The following BLTP1 variants were observed in gnomAD, a reference collection of about 807,000 sequenced individuals.
BLTP1 encodes the protein fragile site-associated protein.
the BLTP1 span, among the ~76,000 whole-genome samples, chr4:122,322,716 C>T: frequency 3.3e-5 from 5 of 152,174 alleles, no homozygotes; most frequent in African/African-American, 1.2e-4. Context: ...CTGTGAACTT[C>T]ATGTTTGTCA....
the BLTP1 span, chr4:122,316,312 A>T: frequency 7.0e-6 from 3 of 430,872 alleles, no homozygotes; most frequent in Non-Finnish European, 9.6e-6. Context: ...TTGGGAAGAA[A>T]TTTTTTTAAA....
the BLTP1 span, among the ~76,000 whole-genome samples, chr4:122,181,011 T>C: frequency 1.3e-5 from 2 of 152,226 alleles, no homozygotes; most frequent in Non-Finnish European, 2.9e-5. Context: ...AGCATGACTA[T>C]TTATTCAGAT....
chr4:122,174,440 G>A, the BLTP1 span: 1 of 1,428,474 alleles, frequency 7.0e-7, no homozygotes, highest in Non-Finnish European at 9.3e-7. Context: ...CAGTAAGGCT[G>A]TAAGGGTATC....
At chr4:122,214,571 T>TTG in the BLTP1 span, 1 of 945,096 alleles carries the variant, frequency 1.1e-6, no homozygotes, top group Non-Finnish European at 1.3e-6. Context: ...TACCTTACAT[T>TTG]TGATCAACCT....
the BLTP1 span, chr4:122,200,713 G>A: frequency 1.0e-6 from 1 of 982,676 alleles, no homozygotes; most frequent in South Asian, 4.7e-5. Flanking sequence ...GAGAAATTAG[G>A]GATGTCGGTT....
the BLTP1 span, chr4:122,234,907 C>A: frequency 1.2e-5 from 19 of 1,613,178 alleles, no homozygotes; most frequent in African/African-American, 2.4e-4. Context: ...GAGTTGACAC[C>A]TTCCAGTAGC....
chr4:122,219,004 G>A, the BLTP1 span: 1 of 219,256 alleles, frequency 4.6e-6, no homozygotes, highest in Non-Finnish European at 7.7e-6. Flanking sequence ...AGAACTCTGA[G>A]GAGCAGTGAT....
the BLTP1 span, chr4:122,202,020 G>T: frequency 3.2e-6 from 1 of 315,898 alleles, no homozygotes; most frequent in Non-Finnish European, 4.6e-6. Flanking sequence ...TGTGAAATAG[G>T]GATAACAATT....
chr4:122,233,762 CACA>C, the BLTP1 span, among the ~76,000 whole-genome samples: 1 of 152,232 alleles, frequency 6.6e-6, no homozygotes, highest in East Asian at 1.9e-4. Context: ...TTTTCTTTGT[CACA>C]ACACCTTGTT....
the BLTP1 span, among the ~76,000 whole-genome samples, chr4:122,308,528 T>G: frequency 6.6e-6 from 1 of 152,100 alleles, no homozygotes; most frequent in Non-Finnish European, 1.5e-5. Context: ...AAAGGACATT[T>G]AAGAATACTG....
the BLTP1 span, chr4:122,360,056 G>A: frequency 1.0e-6 from 1 of 985,102 alleles, no homozygotes; most frequent in South Asian, 4.7e-5. Context: ...GGTAGCTACT[G>A]TAAACTGTTT....
chr4:122,168,725 A>G, the BLTP1 span, among the ~76,000 whole-genome samples: 1 of 152,160 alleles, frequency 6.6e-6, no homozygotes, highest in Non-Finnish European at 1.5e-5. Flanking sequence ...CTGTAGGAAA[A>G]AAAAGGATTA....
chr4:122,263,549 G>A, the BLTP1 span: 3 of 1,613,066 alleles, frequency 1.9e-6, no homozygotes, highest in Non-Finnish European at 2.5e-6. Context: ...TCGAGGAAGT[G>A]TGTTACAAGA....
chr4:122,344,365 G>C, the BLTP1 span: 3 of 1,612,190 alleles, frequency 1.9e-6, no homozygotes, highest in African/African-American at 1.3e-5. Flanking sequence ...GGTTGTGTTT[G>C]TTTGTTTGTT....
chr4:122,207,318 C>A, the BLTP1 span: 1 of 1,473,020 alleles, frequency 6.8e-7, no homozygotes, highest in Non-Finnish European at 9.3e-7. Context: ...AGGCAAATAC[C>A]AACTAAGAAA....
the BLTP1 span, chr4:122,288,957 C>T: frequency 2.7e-6 from 3 of 1,098,278 alleles, no homozygotes; most frequent in Non-Finnish European, 2.5e-6. Flanking sequence ...TTTAACTTTT[C>T]TTCAATATAT....
At chr4:122,186,801 G>A in the BLTP1 span, among the ~76,000 whole-genome samples, 1 of 151,970 alleles carries the variant, frequency 6.6e-6, no homozygotes, top group South Asian at 2.1e-4. Flanking sequence ...TGTATATAGA[G>A]TTTTATTGGG....
chr4:122,204,639 T>G, the BLTP1 span: 2 of 922,464 alleles, frequency 2.2e-6, no homozygotes, highest in Non-Finnish European at 2.6e-6. Context: ...AGTATTTAGT[T>G]TGACCAAAAA....
At chr4:122,160,145 CTT>C in the BLTP1 span, among the ~76,000 whole-genome samples, 1 of 152,176 alleles carries the variant, frequency 6.6e-6, no homozygotes, top group African/African-American at 2.4e-5. Flanking sequence ...TCGCCCATCT[CTT>C]TTGAAGATTT....
Sources: allele counts gnomAD v4.1 joint callset (sites outside exome capture counted in the v4.1 genomes callset), GRCh38; gene constraint gnomAD v4.1.1; transcripts MANE v1.5; gene names NCBI Gene and HGNC (gene_info 2026-07-23, HGNC 2026-07-21).